NPY1R: variants seen among roughly 807,000 people sequenced by gnomAD.
The protein encoded by NPY1R is neuropeptide Y receptor type 1.
Under a neutral mutation model 24.1 loss-of-function variants are expected in NPY1R, and 10 were observed. The observed-to-expected ratio is 0.42, with a 90% CI of 0.26 to 0.71. The LOEUF (loss-of-function observed/expected upper bound fraction) is 0.71. Ranked by LOEUF, NPY1R falls within the 30% of genes least tolerant of loss-of-function variation. The pLI is 0.28. For missense variants in NPY1R, 350 were observed against 458.0 expected (o/e 0.76, Z 2.15); for synonymous variants, 168 against 165.9 (o/e 1.01, Z -0.10).
At chr4:163,342,981 G>GACAC (rs142715363) in intron 1 of NPY1R, among the ~76,000 whole-genome samples, 11 of 139,194 alleles carry the variant, frequency 7.9e-5, no homozygotes, top group South Asian at 2.5e-4. Flanking sequence ...CTCTCTCACA[G>GACAC]ACACACACAC....
In NPY1R at chr4:163,324,615, T is replaced by C. The variant is rs1677671186; in HGVS notation, c.*688A>G. On this transcript the variant is annotated 3_prime_UTR_variant, in exon 3 of 3. Coordinates refer to ENST00000296533, the MANE Select transcript of NPY1R (RefSeq NM_000909.6). ...TGAAGTTAGGGAGCTGCTTTCTCTC[T>C]TCATTCCTGTGGGTGCCCCAATTCT... 6.6e-6 allele frequency: 1 copy of C among 152,180 alleles called. No individual in the cohort carries two copies. 9.4% of individuals were successfully genotyped at this position (152,180 alleles called of 1,614,324 possible).
intron 1 of NPY1R, among the ~76,000 whole-genome samples, chr4:163,329,761 C>G (rs1734686513): frequency 6.6e-6 from 1 of 151,964 alleles, no homozygotes; most frequent in South Asian, 2.1e-4. Flanking sequence ...GGATTGCATC[C>G]CATATGGAAA....
At chr4:163,343,209 T>C (rs1334743553) in intron 1 of NPY1R, among the ~76,000 whole-genome samples, 1 of 151,738 alleles carries the variant, frequency 6.6e-6, no homozygotes, top group East Asian at 1.9e-4. Context: ...AATTCGTTTT[T>C]AGCCCTTCGT....
chr4:163,337,699 A>G (rs954760766), upstream of NPY1R, among the ~76,000 whole-genome samples: 16 of 152,232 alleles, frequency 1.1e-4, no homozygotes, highest in African/African-American at 3.9e-4. Flanking sequence ...TTAAACAACA[A>G]TAAAATAACT....
intron 1 of NPY1R, among the ~76,000 whole-genome samples, chr4:163,330,210 T>A (rs1274420024): frequency 6.6e-6 from 1 of 152,210 alleles, no homozygotes; most frequent in Non-Finnish European, 1.5e-5. Context: ...ATTAAATTAT[T>A]GCAAAGTACA....
chr4:163,327,139 C>A (rs111291277), intron 1 of NPY1R, among the ~76,000 whole-genome samples: 11 of 152,246 alleles, frequency 7.2e-5, no homozygotes, highest in African/African-American at 2.4e-4. Context: ...GAATTAGTGT[C>A]AAGGTCAAGT....
At chr4:163,332,841 T>G (rs1317942146), upstream of NPY1R, 1 of 152,176 alleles carries the variant, frequency 6.6e-6, no homozygotes, top group Non-Finnish European at 1.5e-5. Context: ...AGTCCTCGAC[T>G]CCGGGGAAGG....
At chr4:163,335,863 A>G (rs1734829945), upstream of NPY1R, among the ~76,000 whole-genome samples, 1 of 152,184 alleles carries the variant, frequency 6.6e-6, no homozygotes, top group Non-Finnish European at 1.5e-5. Flanking sequence ...GCAAATGAAT[A>G]TTAAAATATT....
rs142702739 is a variant in NPY1R, at chr4:163,326,155, T to C, written c.400A>G (p.Ile134Val). 4 of 1,613,928 alleles carry C rather than the reference T, an allele frequency of 2.5e-6. No homozygotes were observed. Among genetic ancestry groups the C allele is most frequent in the African/African-American group, 2.7e-5 (2 of 74,898 alleles). Residue 134 changes from isoleucine (I) to valine (V), a missense_variant, in exon 2 of 3, where the codon ATT (isoleucine) becomes GTT (valine). By Grantham distance (29) the Ile-to-Val change is conservative. Transcript: ENST00000296533. ...ITVSIFSLVL[I>V]AVERHQLIIN... Reference sequence around the variant, plus strand: ...ATCAGCTGATGTCGTTCCACAGCAATGAGAACCAGAGAGAAAATGGACACA... The same window carrying C: ...ATCAGCTGATGTCGTTCCACAGCAACGAGAACCAGAGAGAAAATGGACACA...
chr4:163,325,918 T>C lies in NPY1R; in HGVS notation c.637A>G (p.Thr213Ala). Residue 213 changes from threonine to alanine, a missense_variant, in exon 2 of 3, where the codon ACT (threonine) becomes GCT (alanine). By Grantham distance (58) the Thr-to-Ala change is moderately conservative (BLOSUM62 0). Transcript: ENST00000296533. ...PSDSHRLSYTTLLLVLQYFGP... is the reference protein window; with the variant it reads ...PSDSHRLSYTALLLVLQYFGP... ...AAATACTGCAGCACCAAGAGGAGAGTGGTATAAGACAACCTATGAGAGTCC... is the reference window on the plus strand; with the variant it reads ...AAATACTGCAGCACCAAGAGGAGAGCGGTATAAGACAACCTATGAGAGTCC... 1 of 1,611,932 alleles carries C rather than the reference T, an allele frequency of 6.2e-7. No individual in the cohort carries two copies. Among genetic ancestry groups the C allele is most frequent in the South Asian group, 1.1e-5 (1 of 90,858 alleles).
intron 1 of NPY1R, among the ~76,000 whole-genome samples, chr4:163,326,966 C>A (rs548004793): frequency 1.3e-5 from 2 of 151,978 alleles, no homozygotes; most frequent in Non-Finnish European, 2.9e-5. Flanking sequence ...AAATATTATG[C>A]CCCAAGTCTT....
At chr4:163,329,968 G>A (rs1345319405) in intron 1 of NPY1R, among the ~76,000 whole-genome samples, 1 of 152,048 alleles carries the variant, frequency 6.6e-6, no homozygotes, top group African/African-American at 2.4e-5. Context: ...CTTTGGCAAA[G>A]GTGTGAAGTT....
At chr4:163,339,832 C>A (rs1391418434) in intron 1 of NPY1R, among the ~76,000 whole-genome samples, 1 of 151,940 alleles carries the variant, frequency 6.6e-6, no homozygotes, top group Non-Finnish European at 1.5e-5. Flanking sequence ...GAATATGGAC[C>A]CTACTTCCTT....
Position 163,325,240 on chromosome 4 carries a change from T to C in NPY1R, c.*63A>G, listed in dbSNP as rs1042964456. On this transcript the variant is annotated 3_prime_UTR_variant, in exon 3 of 3. Coordinates refer to ENST00000296533, the MANE Select transcript of NPY1R (RefSeq NM_000909.6). ...TCCTTGGGAGAACAGGTAATCAAAG[T>C]ATGTTGCAGGTTGTGCTTGTTTTTA... 6.3e-5 allele frequency: 71 copies of C among 1,121,456 alleles called. No individual in the cohort carries two copies. Among genetic ancestry groups the C allele is most frequent in the Non-Finnish European group, 5.8e-5 (45 of 771,684 alleles). The allele number at this position is 1,121,456 out of a possible 1,614,324, so 69.5% of individuals were successfully genotyped here.
At chr4:163,343,649 T>C (rs1483550884) in intron 1 of NPY1R, among the ~76,000 whole-genome samples, 5 of 152,152 alleles carry the variant, frequency 3.3e-5, no homozygotes, top group Non-Finnish European at 5.9e-5. Context: ...AAACTCGATT[T>C]GCCCATCAAG....
chr4:163,336,882 A>G (rs1349366450), upstream of NPY1R, among the ~76,000 whole-genome samples: 1 of 152,212 alleles, frequency 6.6e-6, no homozygotes, highest in Non-Finnish European at 1.5e-5. Context: ...AATCACTTGA[A>G]TCTGGGAGGC....
upstream of NPY1R, among the ~76,000 whole-genome samples, chr4:163,336,668 G>C (rs547114757): frequency 1.3e-5 from 2 of 152,180 alleles, no homozygotes; most frequent in Non-Finnish European, 2.9e-5. Flanking sequence ...TTTTTCTAAA[G>C]AAAGGAGAAA....
upstream of NPY1R, among the ~76,000 whole-genome samples, chr4:163,334,604 G>A (rs1332909864): frequency 6.6e-6 from 1 of 152,234 alleles, no homozygotes; most frequent in African/African-American, 2.4e-5. Flanking sequence ...GCTCACGCCT[G>A]TAATCCCAGC....
intron 1 of NPY1R, among the ~76,000 whole-genome samples, chr4:163,331,918 G>A (rs1245983259): frequency 1.3e-5 from 2 of 152,196 alleles, no homozygotes; most frequent in Non-Finnish European, 2.9e-5. Context: ...AGTGGGGGTG[G>A]GCTTGCGCGC....
Sources: gnomAD v4.1 joint callset for allele counts (sites outside exome capture counted in the v4.1 genomes callset) on GRCh38, gnomAD v4.1.1 for gene constraint, MANE v1.5 for transcripts, NCBI Gene and HGNC (gene_info 2026-07-23, HGNC 2026-07-21) for gene names.